KHDC4: variants seen among roughly 807,000 people sequenced by gnomAD.
The protein encoded by KHDC4 is KH homology domain-containing protein 4.
A neutral mutation model predicts 74.5 loss-of-function variants in KHDC4; 19 were observed. The observed-to-expected ratio is 0.26, with a 90% confidence interval of 0.18 to 0.37. The LOEUF is 0.37. Among genes scored for constraint, KHDC4 ranks in the 10% least tolerant of loss-of-function variants. The pLI is 1.00. For synonymous variants in KHDC4, 253 were observed against 266.1 expected, an observed-to-expected ratio of 0.95 and a Z score of 0.48; for missense variants, 632 against 754.1, an observed-to-expected ratio of 0.84 and a Z score of 1.90.
At chr1:155,926,053 A>AC in intron 6 of KHDC4, 1 of 731,260 alleles carries the variant, frequency 1.4e-6, no homozygotes, top group Non-Finnish European at 2.5e-6. Context: ...GCAAAGTCTT[A>AC]CTTCATCAGA....
chr1:155,922,320 A>G (rs1265217139), intron 8 of KHDC4, among the ~76,000 whole-genome samples: 2 of 151,868 alleles, frequency 1.3e-5, no homozygotes, highest in Non-Finnish European at 2.9e-5. Context: ...TAGTTTTTGT[A>G]TTTTTAGTAG....
intron 7 of KHDC4, among the ~76,000 whole-genome samples, chr1:155,924,188 G>A (rs1673931797): frequency 6.6e-6 from 1 of 151,938 alleles, no homozygotes; most frequent in Admixed American, 6.5e-5. Context: ...ATGTTGGCGG[G>A]TGCCTATAGT....
chr1:155,929,577 T>C (rs1674099065), intron 3 of KHDC4, 135 bp downstream of exon 3: 1 of 1,134,908 alleles, frequency 8.8e-7, no homozygotes, highest in South Asian at 1.6e-5. Context: ...CCTCTGAAGT[T>C]AAATTAAACC....
intron 4 of KHDC4, among the ~76,000 whole-genome samples, chr1:155,927,875 A>ACACACACAC (rs1557970782): frequency 5.7e-4 from 41 of 71,682 alleles, no homozygotes; most frequent in African/African-American, 2.0e-3. Context: ...CACACACACA[A>ACACACACAC]AATTAATGGG....
chr1:155,913,902 T>C lies in KHDC4; in HGVS notation c.*219A>G, dbSNP rs1673678088. Reference sequence around the variant, plus strand: ...CTGTTAAAAAGCTTCTGAGATAAATTTGTGATTCTAATTAAATTTTAACAG... The same window carrying C: ...CTGTTAAAAAGCTTCTGAGATAAATCTGTGATTCTAATTAAATTTTAACAG... On this transcript the variant is annotated 3_prime_UTR_variant, in exon 14 of 14. Coordinates refer to ENST00000368321, the MANE Select transcript of KHDC4 (RefSeq NM_014949.4). The C allele has an allele frequency of 3.7e-6, 2 of 547,088 alleles. No homozygotes were observed. Among genetic ancestry groups the C allele is most frequent in the Non-Finnish European group, 6.5e-6 (2 of 307,712 alleles). 33.9% of individuals were successfully genotyped at this position (547,088 alleles called of 1,614,324 possible).
chr1:155,916,603 T>C (rs1334750669), intron 12 of KHDC4, 22 bp downstream of exon 12: 2 of 1,488,934 alleles, frequency 1.3e-6, no homozygotes, highest in Admixed American at 3.4e-5. Context: ...CTGAATACAT[T>C]TGCATAATTA....
chr1:155,927,838 A>AAAAAAAAAAAAAAAAAAAAC, intron 4 of KHDC4, among the ~76,000 whole-genome samples: 1 of 14,276 alleles, frequency 7.0e-5, no homozygotes, highest in African/African-American at 1.4e-4. Flanking sequence ...AAAACCACAC[A>AAAAAAAAAAAAAAAAAAAAC]CACACACACA....
At chr1:155,924,945 C>G (rs947993028) in intron 7 of KHDC4, among the ~76,000 whole-genome samples, 1 of 151,956 alleles carries the variant, frequency 6.6e-6, no homozygotes, top group Admixed American at 6.6e-5. Flanking sequence ...CTACCTGCAG[C>G]CTTAATCTCC....
intron 1 of KHDC4, among the ~76,000 whole-genome samples, 170 bp downstream of exon 1, chr1:155,934,166 C>T (rs2102612559): frequency 6.6e-6 from 1 of 152,290 alleles, no homozygotes; most frequent in South Asian, 2.1e-4. Flanking sequence ...CCCTCGGATC[C>T]CCGCCGGCCC....
At chr1:155,931,315 A>C (rs1306295279) in intron 2 of KHDC4, among the ~76,000 whole-genome samples, 1 of 151,378 alleles carries the variant, frequency 6.6e-6, no homozygotes, top group Non-Finnish European at 1.5e-5. Flanking sequence ...AAAAGACAGA[A>C]AGACAGAAAG....
chr1:155,914,465 A>C, intron 13 of KHDC4, 145 bp from the exon 14 acceptor site: 1 of 643,578 alleles, frequency 1.6e-6, no homozygotes, highest in Non-Finnish European at 2.7e-6. Context: ...TGGTCACCCA[A>C]AAACGTTGAA....
At chr1:155,934,189 A>G in intron 1 of KHDC4, 147 bp downstream of exon 1, 1 of 914,692 alleles carries the variant, frequency 1.1e-6, no homozygotes, top group Non-Finnish European at 1.6e-6. Context: ...TAAGGGCCCC[A>G]GGCCTGCTCA....
intron 13 of KHDC4, 87 bp from the exon 14 acceptor site, chr1:155,914,407 T>C (rs1348189150): frequency 1.7e-6 from 2 of 1,148,354 alleles, no homozygotes; most frequent in Non-Finnish European, 2.5e-6. Flanking sequence ...AAAAAAGATG[T>C]TAATTTTAAG....
In KHDC4 at chr1:155,925,628, A is replaced by G. The variant is rs1400127576; in HGVS notation, c.893+4T>C. ...CACATGTCCCCTGCCCTATCCATCC[A>G]TACCTGATGTAAATATACATAGGTT... On this transcript the variant is annotated splice_donor_region_variant and intron_variant, in intron 7 of 13. Transcript: ENST00000368321. 1.1e-5 allele frequency: 17 copies of G among 1,612,432 alleles called. No individual in the cohort carries two copies. The highest frequency in any genetic ancestry group is 1.4e-5 in the Non-Finnish European group (17 of 1,178,400).
At chr1:155,924,510 T>C (rs370272911) in intron 7 of KHDC4, among the ~76,000 whole-genome samples, 1 of 151,964 alleles carries the variant, frequency 6.6e-6, no homozygotes, top group South Asian at 2.1e-4. Context: ...TTGTACAGAC[T>C]TGTACAAAAC....
At chr1:155,922,149 T>A in intron 8 of KHDC4, 3 of 59,672 alleles carry the variant, frequency 5.0e-5, no homozygotes, top group Non-Finnish European at 1.2e-4. Context: ...GCAAATCTTT[T>A]TTTTTTTTTT....
intron 10 of KHDC4, chr1:155,921,103 G>A: frequency 2.3e-6 from 1 of 435,886 alleles, no homozygotes. Context: ...TAAAATATTT[G>A]CCATCTGACC....
chr1:155,926,844 G>GA lies in KHDC4; in HGVS notation c.518-6dup. ...CTTTGATCCGGTTTACAGCTCCTTA[G>GA]AAAAACACAGACAGTAAAACTGAAT... On this transcript the variant is annotated splice_region_variant and splice_polypyrimidine_tract_variant and intron_variant, in intron 5 of 13. Coordinates refer to ENST00000368321, the MANE Select transcript of KHDC4 (RefSeq NM_014949.4). The GA allele has an allele frequency of 6.2e-7, 1 of 1,614,032 alleles. No individual in the cohort carries two copies. The highest frequency in any genetic ancestry group is 1.1e-5 in the South Asian group (1 of 91,066).
intron 3 of KHDC4, 134 bp downstream of exon 3, chr1:155,929,578 A>T: frequency 8.8e-7 from 1 of 1,141,216 alleles, no homozygotes; most frequent in Non-Finnish European, 1.2e-6. Context: ...CTCTGAAGTT[A>T]AATTAAACCC....
Sources: allele counts gnomAD v4.1 joint callset (sites outside exome capture counted in the v4.1 genomes callset), GRCh38; gene constraint gnomAD v4.1.1; transcripts MANE v1.5; gene names NCBI Gene and HGNC (gene_info 2026-07-23, HGNC 2026-07-21).